Variants in TRAT1 observed in about 807,000 individuals in gnomAD.
TRAT1 encodes T cell receptor associated transmembrane adaptor 1.
A neutral mutation model predicts 20.0 loss-of-function variants in TRAT1; 20 were observed. That is an observed-to-expected ratio of 1.00 (90% CI 0.70 to 1.45). The LOEUF (loss-of-function observed/expected upper bound fraction) is 1.45, where lower values mean the gene tolerates loss of function less well. Ranked by LOEUF, TRAT1 falls within the 40% of genes most tolerant of loss-of-function variation. The pLI is 0.00. For missense variants in TRAT1, 237 were observed against 224.1 expected, an observed-to-expected ratio of 1.06 and a Z score of -0.37; for synonymous variants, 77 against 74.2, an observed-to-expected ratio of 1.04 and a Z score of -0.20.
At chr3:108,853,522 A>G (rs1946016070) in intron 5 of TRAT1, 98 bp from the exon 6 acceptor site, 1 of 1,441,896 alleles carries the variant, frequency 6.9e-7, no homozygotes, top group African/African-American at 1.4e-5. Flanking sequence ...GGTGAGGCCT[A>G]GAAAACAAGT....
rs376960903 is a variant in TRAT1 at position 108,824,815 on chromosome 3, T to C, written c.7+1881T>C. On this transcript the variant is annotated intron_variant, in intron 1 of 5. Transcript: ENST00000295756. ...GAAATGAACATAGCATTACTAAGTATAATTCCATGAGCTGATGATGATGGG... is the reference window on the plus strand; with the variant it reads ...GAAATGAACATAGCATTACTAAGTACAATTCCATGAGCTGATGATGATGGG... 1.6e-4 allele frequency among the ~76,000 whole-genome samples: 25 copies of C among 152,350 alleles called. No individual in the cohort carries two copies. In the South Asian group the frequency reaches 3.3e-3, roughly 20 times the overall value.
intron 1 of TRAT1, among the ~76,000 whole-genome samples, chr3:108,825,413 T>A (rs949018529): frequency 6.6e-6 from 1 of 152,076 alleles, no homozygotes; most frequent in Non-Finnish European, 1.5e-5. Context: ...AGTTTACTCA[T>A]CTTCATTTTT....
chr3:108,837,651 A>G (rs1317218690), intron 2 of TRAT1, among the ~76,000 whole-genome samples: 1 of 152,214 alleles, frequency 6.6e-6, no homozygotes, highest in Non-Finnish European at 1.5e-5. Flanking sequence ...ATTGTCAGAG[A>G]GTTAGATAAT....
chr3:108,841,260 T>C (rs1945894573), intron 3 of TRAT1, among the ~76,000 whole-genome samples: 1 of 152,228 alleles, frequency 6.6e-6, no homozygotes, highest in East Asian at 1.9e-4. Flanking sequence ...AAATCTCCAG[T>C]TAGGCAAAAT....
At chr3:108,829,620 G>A (rs533457416) in intron 1 of TRAT1, among the ~76,000 whole-genome samples, 7 of 24,910 alleles carry the variant, frequency 2.8e-4, no homozygotes, top group South Asian at 2.2e-3. Context: ...CACACACAAC[G>A]TTTTGGTCGA....
chr3:108,839,119 T>A, intron 3 of TRAT1, 152 bp downstream of exon 3: 1 of 625,928 alleles, frequency 1.6e-6, no homozygotes, highest in Non-Finnish European at 2.8e-6. Context: ...CATCTAAAGA[T>A]CAGAAGCTAT....
intron 3 of TRAT1, among the ~76,000 whole-genome samples, chr3:108,840,111 A>T (rs1019116205): frequency 1.5e-4 from 21 of 142,796 alleles, no homozygotes; most frequent in African/African-American, 2.7e-4. Context: ...TCTTTTTTTT[A>T]AAAAAATTCT....
chr3:108,830,841 G>C, intron 2 of TRAT1, 61 bp downstream of exon 2: 2 of 1,049,630 alleles, frequency 1.9e-6, no homozygotes, highest in Non-Finnish European at 3.0e-6. Context: ...GGAGTCACTG[G>C]AAAACCTATG....
chr3:108,825,318 A>G (rs1225228833), intron 1 of TRAT1, among the ~76,000 whole-genome samples: 1 of 152,096 alleles, frequency 6.6e-6, no homozygotes, highest in Non-Finnish European at 1.5e-5. Flanking sequence ...GTGTTTCTGC[A>G]TTTACATAAA....
At chr3:108,826,490 G>A (rs151211208) in intron 1 of TRAT1, among the ~76,000 whole-genome samples, 3 of 152,210 alleles carry the variant, frequency 2.0e-5, no homozygotes, top group African/African-American at 7.2e-5. Context: ...TGATTCAAAT[G>A]TCTTTTATTG....
chr3:108,834,974 G>A (rs970277659), intron 2 of TRAT1, among the ~76,000 whole-genome samples: 8 of 152,036 alleles, frequency 5.3e-5, no homozygotes, highest in African/African-American at 1.7e-4. Flanking sequence ...TTTCTGATAG[G>A]AGTGCATTCA....
chr3:108,838,870 T>C, intron 2 of TRAT1, 64 bp from the exon 3 acceptor site: 1 of 1,291,748 alleles, frequency 7.7e-7, no homozygotes, highest in African/African-American at 1.5e-5. Flanking sequence ...AGAACACACT[T>C]TAGAATATTT....
In TRAT1 at chr3:108,827,116, T is replaced by G. The variant is rs1447704; in HGVS notation, c.8-3554T>G. On this transcript the variant is annotated intron_variant, in intron 1 of 5. Transcript: ENST00000295756. ...ATTCCTCTCTGATAATTTCTCGAGTTCTTCGGCTTTTTAACAGTGTAAATA... is the reference window on the plus strand; with the variant it reads ...ATTCCTCTCTGATAATTTCTCGAGTGCTTCGGCTTTTTAACAGTGTAAATA... Among the ~76,000 whole-genome samples, 41 of 151,812 alleles carry G rather than the reference T, an allele frequency of 2.7e-4. 1 individual carries two copies. Among genetic ancestry groups the G allele is most frequent in the Non-Finnish European group, 1.3e-4 (9 of 67,914 alleles).
intron 3 of TRAT1, among the ~76,000 whole-genome samples, chr3:108,843,940 G>T (rs1182069784): frequency 6.6e-6 from 1 of 152,012 alleles, no homozygotes; most frequent in African/African-American, 2.4e-5. Flanking sequence ...CAGTTCCCAG[G>T]GCCTCATTCC....
chr3:108,841,692 C>T (rs1435071870), intron 3 of TRAT1, among the ~76,000 whole-genome samples: 2 of 152,114 alleles, frequency 1.3e-5, no homozygotes, highest in African/African-American at 2.4e-5. Context: ...CCATTCCCTG[C>T]CCTTCCTGCA....
At chr3:108,829,562 C>T (rs1470484175) in intron 1 of TRAT1, among the ~76,000 whole-genome samples, 8 of 134,160 alleles carry the variant, frequency 6.0e-5, no homozygotes, top group South Asian at 2.3e-4. Flanking sequence ...TCAGCCTGGG[C>T]GAAAGAGCAA....
In TRAT1 at chr3:108,836,198, A is replaced by G. The variant is rs531742019; in HGVS notation, c.119-2736A>G. 4.3e-4 allele frequency among the ~76,000 whole-genome samples: 66 copies of G among 152,236 alleles called. 1 individual carries two copies. Among genetic ancestry groups the G allele is most frequent in the Non-Finnish European group, 7.1e-4 (48 of 67,996 alleles). ...CTCCCAAAGTGCTGGGATTACAGGC[A>G]TGAGCCACCGTGCCCGGCCAGAGTT... On this transcript the variant is annotated intron_variant, in intron 2 of 5. Transcript: ENST00000295756.
intron 4 of TRAT1, among the ~76,000 whole-genome samples, chr3:108,847,577 G>A (rs1945958902): frequency 6.6e-6 from 1 of 152,196 alleles, no homozygotes; most frequent in Non-Finnish European, 1.5e-5. Context: ...GGGCTGGATT[G>A]ATGGCAGGTG....
At chr3:108,853,593 T>A in intron 5 of TRAT1, 27 bp from the exon 6 acceptor site, 1 of 1,603,240 alleles carries the variant, frequency 6.2e-7, no homozygotes, top group Non-Finnish European at 8.5e-7. Flanking sequence ...AGACTAACAA[T>A]GAAAAATTAA....
Sources: gnomAD v4.1 joint callset for allele counts (sites outside exome capture counted in the v4.1 genomes callset) on GRCh38, gnomAD v4.1.1 for gene constraint, MANE v1.5 for transcripts, NCBI Gene and HGNC (gene_info 2026-07-23, HGNC 2026-07-21) for gene names.